Variants in HEXB observed in about 807,000 individuals in gnomAD.
The protein encoded by HEXB is beta-hexosaminidase subunit beta.
HEXB carries 51 observed loss-of-function variants against 71.2 expected under a neutral mutation model. That is an observed-to-expected ratio of 0.72 (90% CI 0.57 to 0.90). The LOEUF (loss-of-function observed/expected upper bound fraction) is 0.90, where lower values mean the gene tolerates loss of function less well. Among genes scored for constraint, HEXB ranks in the 40% least tolerant of loss-of-function variants. The probability of loss-of-function intolerance (pLI) is 0.00; values close to 1 mark genes in which losing one functional copy is unlikely to be tolerated. For synonymous variants in HEXB, 266 were observed against 249.3 expected (o/e 1.07, Z -0.63); for missense variants, 617 against 677.0 (o/e 0.91, Z 0.98).
chr5:74,647,261 G>C (rs925493528), intron 1 of HEXB, among the ~76,000 whole-genome samples: 2 of 152,238 alleles, frequency 1.3e-5, no homozygotes, highest in African/African-American at 4.8e-5. Flanking sequence ...TGCAGGTTTT[G>C]TTTGGCCTCT....
chr5:74,718,980 A>G lies in HEXB; in HGVS notation c.1417+9A>G, dbSNP rs755763718. 3.2e-5 allele frequency: 51 copies of G among 1,613,884 alleles called. No individual in the cohort carries two copies. Among genetic ancestry groups the G allele is most frequent in the Non-Finnish European group, 4.2e-5 (49 of 1,179,782 alleles). On this transcript the variant is annotated intron_variant, in intron 11 of 13. Coordinates refer to ENST00000261416, the MANE Select transcript of HEXB (RefSeq NM_000521.4). ...ACCTCTTGATTTTGGCGGTAAGTGA[A>G]GCAGTTGGTCCAAGTGTTGTGGGTT...
intron 1 of HEXB, among the ~76,000 whole-genome samples, chr5:74,671,851 G>A (rs879387122): frequency 2.6e-5 from 4 of 152,162 alleles, no homozygotes; most frequent in African/African-American, 9.7e-5. Context: ...CATGATACCT[G>A]AGATGCTTCC....
intron 1 of HEXB, among the ~76,000 whole-genome samples, chr5:74,663,868 G>A (rs1163954437): frequency 1.3e-5 from 2 of 151,958 alleles, no homozygotes; most frequent in African/African-American, 4.8e-5. Context: ...GCTCATGCCT[G>A]TAATCCCAAC....
chr5:74,683,907 A>G (rs1580375980), upstream of HEXB, among the ~76,000 whole-genome samples: 2 of 147,278 alleles, frequency 1.4e-5, no homozygotes, highest in African/African-American at 5.0e-5. Flanking sequence ...TAAAACTTCC[A>G]CCTTCCGGTT....
chr5:74,672,309 G>A (rs1248423406), intron 1 of HEXB, among the ~76,000 whole-genome samples: 1 of 152,200 alleles, frequency 6.6e-6, no homozygotes, highest in Non-Finnish European at 1.5e-5. Flanking sequence ...CAACAAAAAA[G>A]CAGTTATTTT....
chr5:74,671,351 A>G (rs1287364677), intron 1 of HEXB, among the ~76,000 whole-genome samples: 1 of 152,202 alleles, frequency 6.6e-6, no homozygotes, highest in African/African-American at 2.4e-5. Flanking sequence ...ACAGGAATAA[A>G]CTGTGGATAC....
chr5:74,661,563 GTCTC>G (rs371926437), intron 1 of HEXB, among the ~76,000 whole-genome samples: 8 of 133,800 alleles, frequency 6.0e-5, no homozygotes, highest in East Asian at 2.3e-4. Context: ...GTGTGTGTGT[GTCTC>G]TCTCTCTCTC....
chr5:74,656,227 G>C (rs563777347), intron 1 of HEXB, among the ~76,000 whole-genome samples: 1 of 152,176 alleles, frequency 6.6e-6, no homozygotes, highest in African/African-American at 2.4e-5. Flanking sequence ...AGGCCTAGCC[G>C]GGTGGATCAC....
chr5:74,659,468 G>GGTGAT (rs1223025921), intron 1 of HEXB, among the ~76,000 whole-genome samples: 2 of 152,178 alleles, frequency 1.3e-5, no homozygotes. Context: ...GGAAGCCACA[G>GGTGAT]GTGATTCTAA....
intron 6 of HEXB, among the ~76,000 whole-genome samples, chr5:74,709,419 A>G (rs1215917703): frequency 6.6e-6 from 1 of 152,218 alleles, no homozygotes; most frequent in African/African-American, 2.4e-5. Context: ...AAAAGCTAGC[A>G]GAAGGCAAGA....
intron 7 of HEXB, 114 bp downstream of exon 7, chr5:74,713,749 C>G: frequency 1.2e-6 from 1 of 826,446 alleles, no homozygotes; most frequent in Non-Finnish European, 2.0e-6. Context: ...CTGCAACCTC[C>G]ACCTCCCAGG....
At chr5:74,714,520 T>C (rs1052292014) in intron 7 of HEXB, among the ~76,000 whole-genome samples, 3 of 152,166 alleles carry the variant, frequency 2.0e-5, no homozygotes, top group African/African-American at 7.2e-5. Flanking sequence ...GACAAGTATG[T>C]AGCTGGAGTA....
intron 1 of HEXB, among the ~76,000 whole-genome samples, chr5:74,659,793 C>A (rs1748286153): frequency 6.6e-6 from 1 of 152,154 alleles, no homozygotes; most frequent in African/African-American, 2.4e-5. Flanking sequence ...TTCTTCAACC[C>A]AGGAAATTGA....
chr5:74,652,780 T>C lies in HEXB; in HGVS notation c.-377+12222T>C, dbSNP rs944463772. Among the ~76,000 whole-genome samples the C allele has an allele frequency of 8.6e-5, 13 of 152,044 alleles. No homozygotes were observed. The highest frequency in any genetic ancestry group is 3.1e-4 in the African/African-American group (13 of 41,410). On this transcript the variant is annotated intron_variant, in intron 1 of 13. Coordinates refer to the HEXB transcript ENST00000511181. This position sits in a 1 kb window ranked among gnomAD's most constrained non-coding sequence, Gnocchi z 5.4. ...ACCAGCTCCGAGATAACCATCACCC[T>C]CTCTGAGCTCCAATAAGGTGGCTAC...
In HEXB at chr5:74,711,151, G is replaced by C. The variant is rs1473824950; in HGVS notation, c.772-2355G>C. 1.8e-3 allele frequency among the ~76,000 whole-genome samples: 278 copies of C among 150,698 alleles called. 2 individuals are homozygous for C. The highest frequency in any genetic ancestry group is 6.2e-3 in the African/African-American group (254 of 40,792). On this transcript the variant is annotated intron_variant, in intron 6 of 13. Transcript: ENST00000261416. Reference sequence around the variant, plus strand: ...CGCTGCATATCTACAACTATCTGATGTTTGACAAACCTGAGAAAAACAAGC... The same window carrying C: ...CGCTGCATATCTACAACTATCTGATCTTTGACAAACCTGAGAAAAACAAGC...
intron 9 of HEXB, among the ~76,000 whole-genome samples, chr5:74,717,105 T>C (rs1166092224): frequency 6.6e-6 from 1 of 152,164 alleles, no homozygotes; most frequent in African/African-American, 2.4e-5. Context: ...GAGAATCTCC[T>C]GGGAGATGGA....
chr5:74,711,076 C>T (rs1336004185), intron 6 of HEXB, among the ~76,000 whole-genome samples: 4 of 149,358 alleles, frequency 2.7e-5, no homozygotes, highest in African/African-American at 1.0e-4. Flanking sequence ...GGTACTGGTA[C>T]CAAAACAGAG....
chr5:74,680,618 A>G (rs1748720832), upstream of HEXB, among the ~76,000 whole-genome samples: 1 of 152,234 alleles, frequency 6.6e-6, no homozygotes, highest in Admixed American at 6.5e-5. Context: ...GTGGTCAGAA[A>G]GTATACTCCT....
chr5:74,711,664 A>C (rs199892009), intron 6 of HEXB, among the ~76,000 whole-genome samples: 19,895 of 150,882 alleles, frequency 0.13, 1,586 homozygotes, highest in Admixed American at 0.2. Context: ...ATTTATGCAG[A>C]CAAAAAACAC....
Sources: gnomAD v4.1 joint callset for allele counts (sites outside exome capture counted in the v4.1 genomes callset) on GRCh38, gnomAD v4.1.1 for gene constraint, Gnocchi (gnomAD v3.1) non-coding constraint, MANE v1.5 for transcripts, NCBI Gene and HGNC (gene_info 2026-07-23, HGNC 2026-07-21) for gene names.